Variants in PRELID1 observed in about 807,000 individuals in gnomAD.
PRELID1 encodes PRELI domain-containing protein 1, mitochondrial.
In PRELID1, 15 loss-of-function variants were observed where a neutral mutation model predicts 29.0. That is an observed-to-expected ratio of 0.52 (90% CI 0.35 to 0.80). PRELID1 has a LOEUF of 0.80. Among genes scored for constraint, PRELID1 ranks in the 30% least tolerant of loss-of-function variants. The pLI, the probability that PRELID1 is intolerant of heterozygous loss-of-function variation, is 0.01. For missense variants in PRELID1, 187 were observed against 275.9 expected (o/e 0.68, Z 2.28); for synonymous variants, 79 against 106.5 (o/e 0.74, Z 1.59).
chr5:177,304,460 C>A, intron 1 of PRELID1, 165 bp from the exon 2 acceptor site: 3 of 718,924 alleles, frequency 4.2e-6, no homozygotes, highest in Non-Finnish European at 7.4e-6. Context: ...TGGGAATTTG[C>A]CCTGGGATGG....
rs755748049 is a variant in PRELID1 at position 177,304,832 on chromosome 5, C to A, written c.300C>A (p.Ile100=). ...NQTMTTFTWN[I]NHARLMVVEE... The stretch of plus-strand genomic sequence containing the variant: ...CCATGACTACCTTCACCTGGAACAT[C>A]AACCACGCCCGGCTGATGGTGAGAC... Residue 100 remains isoleucine, a synonymous_variant, in exon 2 of 5, where the codon ATC becomes ATA. Transcript: ENST00000303204. 1 of 1,612,442 alleles carries A rather than the reference C, an allele frequency of 6.2e-7. No homozygotes were observed. The highest frequency in any genetic ancestry group is 1.1e-5 in the South Asian group (1 of 90,908).
chr5:177,305,324 A>G (rs1286147469), intron 2 of PRELID1, among the ~76,000 whole-genome samples: 1 of 151,824 alleles, frequency 6.6e-6, no homozygotes, highest in African/African-American at 2.4e-5. Flanking sequence ...CTCGTGCCTC[A>G]GCCTTCTGAA....
At chr5:177,304,970 C>T in intron 2 of PRELID1, 120 bp downstream of exon 2, 2 of 958,048 alleles carry the variant, frequency 2.1e-6, no homozygotes, top group South Asian at 3.1e-5. Flanking sequence ...GGAGGCAGGT[C>T]TGGGTTACTG....
intron 4 of PRELID1, 106 bp downstream of exon 4, chr5:177,306,282 G>T: frequency 6.4e-7 from 1 of 1,561,304 alleles, no homozygotes; most frequent in South Asian, 1.1e-5. Flanking sequence ...GGGACTCCTT[G>T]TCTGTACTGG....
chr5:177,306,627 C>G lies in PRELID1; in HGVS notation c.*57C>G, dbSNP rs2127299776. ...GCTAGGCTTAGCCTCTCTGCCCTCCCTTCATTGTACTTTATCATTAAAAAT... is the reference window on the plus strand; with the variant it reads ...GCTAGGCTTAGCCTCTCTGCCCTCCGTTCATTGTACTTTATCATTAAAAAT... On this transcript the variant is annotated 3_prime_UTR_variant, in exon 5 of 5. Coordinates refer to ENST00000303204, the MANE Select transcript of PRELID1 (RefSeq NM_013237.4). 6.4e-7 allele frequency: 1 copy of G among 1,555,752 alleles called. No homozygotes were observed. Among genetic ancestry groups the G allele is most frequent in the South Asian group, 1.2e-5 (1 of 85,150 alleles).
chr5:177,306,254 A>T, intron 4 of PRELID1, 78 bp downstream of exon 4: 1 of 1,565,940 alleles, frequency 6.4e-7, no homozygotes, highest in East Asian at 2.2e-5. Context: ...TGGGTTAGTC[A>T]TTGCCCTGCT....
intron 1 of PRELID1, 67 bp downstream of exon 1, chr5:177,304,144 CCCAAGTACTGGGA>C: frequency 7.0e-7 from 1 of 1,434,986 alleles, no homozygotes; most frequent in Non-Finnish European, 9.7e-7. Flanking sequence ...ATGGGTAACC[CCCAAGTACTGGGA>C]CCAGGAAGGA....
Position 177,306,566 on chromosome 5 carries a change from T to C in PRELID1, c.656T>C (p.Val219Ala). ...TKKQQQQQQF[V>A] ...AAGCAGCAGCAGCAGCAACAGTTTGTGTAGCCAGTCTACCACCACCACAGC... is the reference window on the plus strand; with the variant it reads ...AAGCAGCAGCAGCAGCAACAGTTTGCGTAGCCAGTCTACCACCACCACAGC... The change falls in exon 5 of 5, where the codon GTG becomes GCG. Residue 219 changes from valine (V) to alanine (A), a missense_variant. Transcript: ENST00000303204. 2.5e-6 allele frequency: 4 copies of C among 1,608,826 alleles called. No individual in the cohort carries two copies. The highest frequency in any genetic ancestry group is 3.4e-6 in the Non-Finnish European group (4 of 1,177,972).
rs1458763080 is a variant in PRELID1 at position 177,304,806 on chromosome 5, A to G, written c.274A>G (p.Thr92Ala). 1 of 1,613,874 alleles carries G rather than the reference A, an allele frequency of 6.2e-7. No homozygotes were observed. The highest frequency in any genetic ancestry group is 2.2e-5 in the East Asian group (1 of 44,878). ...EDSIVDPQNQ[T>A]MTTFTWNINH... The stretch of plus-strand genomic sequence containing the variant: ...CTCTATTGTGGACCCACAGAATCAG[A>G]CCATGACTACCTTCACCTGGAACAT... Residue 92 changes from threonine to alanine, a missense_variant, in exon 2 of 5, where the codon ACC (threonine) becomes GCC (alanine). Thr to Ala is a moderately conservative substitution (Grantham distance 58). Transcript: ENST00000303204.
Position 177,306,835 on chromosome 5 carries a change from C to T in PRELID1, c.*265C>T. Reference sequence around the variant, plus strand: ...GGGCTCCAGGTAGCCTGCAGGTTAACTGGCGGTAAGTGCTAGACTGTAAGC... The same window carrying T: ...GGGCTCCAGGTAGCCTGCAGGTTAATTGGCGGTAAGTGCTAGACTGTAAGC... On this transcript the variant is annotated 3_prime_UTR_variant, in exon 5 of 5. Transcript: ENST00000303204. 1 of 738,862 alleles carries T rather than the reference C, an allele frequency of 1.4e-6. No homozygotes were observed. Among genetic ancestry groups the T allele is most frequent in the Non-Finnish European group, 2.2e-6 (1 of 464,696 alleles). 45.8% of individuals were successfully genotyped at this position (738,862 alleles called of 1,614,324 possible). A position where few individuals can be genotyped will look rare whatever the true frequency, so the allele number is the denominator to read the frequency against.
intron 2 of PRELID1, 26 bp from the exon 3 acceptor site, chr5:177,305,845 C>G (rs773242895): frequency 6.3e-7 from 1 of 1,595,260 alleles, no homozygotes; most frequent in Non-Finnish European, 8.6e-7. Context: ...AAGACTGTTC[C>G]ACGATTGTGG....
chr5:177,304,572 GCA>G (rs1760806430), intron 1 of PRELID1, 51 bp from the exon 2 acceptor site: 53 of 1,458,852 alleles, frequency 3.6e-5, no homozygotes, highest in Non-Finnish European at 5.0e-5. Context: ...ATCCCCTCGG[GCA>G]GTCTCTTAGG....
rs1760877808 is a variant in PRELID1, at chr5:177,306,430, C to T, written c.520C>T (p.Pro174Ser). ...CCTGCCGTTCGCGACAGGCGAGGCC[C>T]CTTCCAAAACACTTGTTGAGACAGC... ...YILAKLQGEA[P>S]SKTLVETAKE... The change falls in exon 5 of 5, where the codon CCT (proline) becomes TCT (serine). Residue 174 changes from proline to serine, a missense_variant. Physicochemically the swap from Pro to Ser is moderately conservative, Grantham distance 74 (BLOSUM62 -1). Coordinates refer to ENST00000303204, the MANE Select transcript of PRELID1 (RefSeq NM_013237.4). 1 of 1,613,988 alleles carries T rather than the reference C, an allele frequency of 6.2e-7. No individual in the cohort carries two copies. Among genetic ancestry groups the T allele is most frequent in the Non-Finnish European group, 8.5e-7 (1 of 1,180,034 alleles).
At position 177,303,855 on chromosome 5, in the gene PRELID1, T is replaced by G. The variant is rs1760782703; in HGVS notation, c.-131T>G. ...GGCGGCGGCAGCTGCTTGGGCGCGG[T>G]GCGGTGGTGACTGAGCTACGAGCCT... is the stretch of plus-strand genomic sequence containing the variant. On this transcript the variant is annotated 5_prime_UTR_variant, in exon 1 of 5. Transcript: ENST00000303204. The surrounding 1 kb of genome is among the most constrained non-coding windows in gnomAD (Gnocchi z 6.1). The G allele has an allele frequency of 1.5e-6, 1 of 670,620 alleles. No homozygotes were observed. The highest frequency in any genetic ancestry group is 3.6e-5 in the Admixed American group (1 of 27,818). The allele number at this position is 670,620 out of a possible 1,614,324, so 41.5% of individuals were successfully genotyped here. A position where few individuals can be genotyped will look rare whatever the true frequency, so the allele number is the denominator to read the frequency against.
intron 4 of PRELID1, 29 bp downstream of exon 4, chr5:177,306,205 C>A: frequency 6.2e-7 from 1 of 1,600,446 alleles, no homozygotes; most frequent in Non-Finnish European, 8.6e-7. Context: ...GGATATTCCT[C>A]ATAGGGAGAG....
chr5:177,305,575 T>C, intron 2 of PRELID1: 1 of 385,932 alleles, frequency 2.6e-6, no homozygotes, highest in South Asian at 2.6e-5. Flanking sequence ...AAACACTGCA[T>C]GCGTCTAGAT....
At position 177,304,152 on chromosome 5, in the gene PRELID1, C is replaced by T. The variant is rs1196664609; in HGVS notation, c.92+75C>T. The T allele has an allele frequency of 9.4e-6, 13 of 1,386,190 alleles. No individual in the cohort carries two copies. In the East Asian group the frequency reaches 2.8e-4, roughly 30 times the overall value. 85.9% of individuals were successfully genotyped at this position (1,386,190 alleles called of 1,614,324 possible). ...TCGAATTATGGGTAACCCCCAAGTA[C>T]TGGGACCAGGAAGGACTCGATATCG... is the stretch of plus-strand genomic sequence containing the variant. On this transcript the variant is annotated intron_variant, in intron 1 of 4. Transcript: ENST00000303204.
At chr5:177,305,512 T>G in intron 2 of PRELID1, 1 of 267,560 alleles carries the variant, frequency 3.7e-6, no homozygotes, top group Non-Finnish European at 7.3e-6. Flanking sequence ...GGGCAAATGT[T>G]TTTATTTGGA....
Position 177,306,401 on chromosome 5 carries a change from GC to G in PRELID1, c.512-19del. On this transcript the variant is annotated intron_variant, in intron 4 of 4. Transcript: ENST00000303204. Reference sequence around the variant, plus strand: ...GTCTTTCAGGCATCTTCTAAAGGCAGCCACCTGCCGTTCGCGACAGGCGAGG... The same window carrying G: ...GTCTTTCAGGCATCTTCTAAAGGCAGCACCTGCCGTTCGCGACAGGCGAGG... The G allele has an allele frequency of 6.2e-7, 1 of 1,613,752 alleles. No homozygotes were observed. Among genetic ancestry groups the G allele is most frequent in the Non-Finnish European group, 8.5e-7 (1 of 1,179,896 alleles).
Sources: gnomAD v4.1 joint callset for allele counts (sites outside exome capture counted in the v4.1 genomes callset) on GRCh38, gnomAD v4.1.1 for gene constraint, Gnocchi (gnomAD v3.1) non-coding constraint, MANE v1.5 for transcripts, NCBI Gene and HGNC (gene_info 2026-07-23, HGNC 2026-07-21) for gene names.